The following DNAH3 variants were observed in gnomAD, a reference collection of about 807,000 sequenced individuals.
The protein encoded by DNAH3 is axonemal beta dynein heavy chain 3.
Under a neutral mutation model 432.5 loss-of-function variants are expected in DNAH3, and 332 were observed. The ratio of observed to expected loss-of-function variants is 0.77; its 90% CI spans 0.70 to 0.84. The LOEUF (loss-of-function observed/expected upper bound fraction) is 0.84, where lower values mean the gene tolerates loss of function less well. DNAH3 is among the 40% of genes least tolerant of loss of function. The pLI, the probability that DNAH3 is intolerant of heterozygous loss-of-function variation, is 0.00. For missense variants in DNAH3, 4,861 were observed against 5,114.0 expected, an observed-to-expected ratio of 0.95 and a Z score of 1.51; for synonymous variants, 1,956 against 1,900.2, an observed-to-expected ratio of 1.03 and a Z score of -0.76.
At chr16:21,118,745 C>T (rs1410914516) in intron 11 of DNAH3, among the ~76,000 whole-genome samples, 3 of 152,162 alleles carry the variant, frequency 2.0e-5, no homozygotes, top group Non-Finnish European at 4.4e-5. Flanking sequence ...GGCTCAGCCT[C>T]CAAAAGTATT....
At chr16:21,037,664 G>C in intron 34 of DNAH3, 97 bp downstream of exon 34, 2 of 1,026,452 alleles carry the variant, frequency 1.9e-6, no homozygotes, top group Non-Finnish European at 2.9e-6. Flanking sequence ...CCAAAGAATG[G>C]AAGATGGAAG....
intron 14 of DNAH3, among the ~76,000 whole-genome samples, chr16:21,108,034 C>T (rs140137375): frequency 0.17 from 25,343 of 151,888 alleles, 2,518 homozygotes; most frequent in South Asian, 0.24. Context: ...CCACCACACC[C>T]GGCTAATTTT....
At chr16:21,022,707 T>C (rs1247114629) in intron 39 of DNAH3, among the ~76,000 whole-genome samples, 3 of 152,062 alleles carry the variant, frequency 2.0e-5, no homozygotes, top group Non-Finnish European at 4.4e-5. Context: ...TAAACCTTTG[T>C]TATATTTTTT....
chr16:20,990,892 G>T (rs1165268994), intron 44 of DNAH3, among the ~76,000 whole-genome samples: 1 of 152,004 alleles, frequency 6.6e-6, no homozygotes, highest in African/African-American at 2.4e-5. Context: ...GTGGTAGCGG[G>T]CACCTGTAGT....
chr16:21,086,998 T>C (rs755075471), exon 19 of DNAH3: 16 of 1,614,096 alleles, frequency 9.9e-6, no homozygotes, highest in Admixed American at 1.7e-5. Context: ...AGTTTATACG[T>C]TGTCCTCCAC....
intron 12 of DNAH3, 133 bp from the exon 13 acceptor site, chr16:21,112,231 G>A: frequency 1.6e-6 from 1 of 633,380 alleles, no homozygotes; most frequent in Admixed American, 3.0e-5. Context: ...ACTATAATGT[G>A]GCAAAAGTTT....
chr16:21,137,611 C>T (rs915029336), intron 5 of DNAH3, among the ~76,000 whole-genome samples: 5 of 151,920 alleles, frequency 3.3e-5, no homozygotes, highest in East Asian at 3.9e-4. Flanking sequence ...TTAGTGGAGA[C>T]GGGGTTTCAC....
chr16:20,950,650 T>C (rs2084270276), intron 56 of DNAH3, among the ~76,000 whole-genome samples: 1 of 152,196 alleles, frequency 6.6e-6, no homozygotes, highest in Non-Finnish European at 1.5e-5. Flanking sequence ...CCTTAACATA[T>C]GGAGCTGAAG....
intron 44 of DNAH3, chr16:20,997,036 C>A: frequency 2.3e-6 from 1 of 437,012 alleles, no homozygotes; most frequent in South Asian, 4.0e-5. Context: ...CTGAACTCTC[C>A]TTTTCCTATG....
chr16:21,159,252 T>A (rs2092933061), intron 1 of DNAH3: 7 of 1,308,702 alleles, frequency 5.3e-6, no homozygotes, highest in African/African-American at 1.5e-5. Context: ...AATTAATAAC[T>A]AAGTACTCGA....
chr16:21,116,655 T>C (rs977988661), intron 12 of DNAH3, among the ~76,000 whole-genome samples: 3 of 152,208 alleles, frequency 2.0e-5, no homozygotes, highest in African/African-American at 7.2e-5. Flanking sequence ...TGAGATGTTT[T>C]ACAGTGTGAT....
chr16:21,153,714 G>A (rs7184304), intron 1 of DNAH3, among the ~76,000 whole-genome samples: 71,426 of 151,472 alleles, frequency 0.47, 17,265 homozygotes, highest in East Asian at 0.68. Flanking sequence ...ACACATCCGA[G>A]CATCAGAAGG....
intron 19 of DNAH3, 140 bp downstream of exon 19, chr16:21,086,709 T>C: frequency 1.3e-6 from 1 of 749,250 alleles, no homozygotes. Flanking sequence ...GCCACTCTCA[T>C]TTGCTATCCC....
chr16:20,979,271 T>C (rs567211196), intron 50 of DNAH3, 59 bp downstream of exon 50: 1 of 1,543,828 alleles, frequency 6.5e-7, no homozygotes, highest in African/African-American at 1.4e-5. Context: ...AACACATGCC[T>C]CGGCACATCC....
chr16:21,152,597 G>T (rs185411656), intron 1 of DNAH3, among the ~76,000 whole-genome samples: 1 of 152,272 alleles, frequency 6.6e-6, no homozygotes, highest in South Asian at 2.1e-4. Flanking sequence ...AGGTGTGGAG[G>T]GAGAGGCGCG....
chr16:20,983,609 G>A (rs979599966), intron 48 of DNAH3, among the ~76,000 whole-genome samples: 26 of 151,696 alleles, frequency 1.7e-4, no homozygotes, highest in African/African-American at 5.8e-4. Context: ...TCCCATCTCT[G>A]GCCAATAACA....
rs747847157 is a variant in DNAH3 at position 20,964,469 on chromosome 16, C to T, written c.9415G>A (p.Glu3139Lys). ...AATGTTGCCTTGAGCAAGATAGGTT[C>T]GATAGAAGCATCCAGCTCTTCTCCA... The change falls in exon 53 of 62, where the codon GAA becomes AAA. Residue 3139 changes from glutamate to lysine, a missense_variant. Physicochemically the swap from Glu to Lys is moderately conservative, Grantham distance 56 (BLOSUM62 1). Transcript: ENST00000261383. The T allele has an allele frequency of 4.6e-5, 75 of 1,614,050 alleles. 1 individual carries two copies. The highest frequency in any genetic ancestry group is 1.2e-4 in the Admixed American group (7 of 59,998).
At chr16:21,049,321 T>C (rs1454171529) in intron 31 of DNAH3, among the ~76,000 whole-genome samples, 2 of 152,218 alleles carry the variant, frequency 1.3e-5, no homozygotes, top group African/African-American at 2.4e-5. Flanking sequence ...CTCTGATGTA[T>C]AGTAGCTGCT....
chr16:21,023,649 CAGGAAATG>C (rs1454405611), intron 39 of DNAH3, among the ~76,000 whole-genome samples: 2 of 152,048 alleles, frequency 1.3e-5, no homozygotes, highest in African/African-American at 4.8e-5. Context: ...TGAGAAAGAG[CAGGAAATG>C]AGATTGCAGA....
Sources: allele counts gnomAD v4.1 joint callset (sites outside exome capture counted in the v4.1 genomes callset), GRCh38; gene constraint gnomAD v4.1.1; transcripts MANE v1.5; gene names NCBI Gene and HGNC (gene_info 2026-07-23, HGNC 2026-07-21).